NTNG1: variants seen among roughly 807,000 people sequenced by gnomAD.
The protein encoded by NTNG1 is netrin-G1.
A neutral mutation model predicts 54.0 loss-of-function variants in NTNG1; 16 were observed. The observed-to-expected ratio is 0.30, with a 90% CI of 0.20 to 0.45. NTNG1 has a LOEUF of 0.45. NTNG1 is among the 20% of genes least tolerant of loss of function. NTNG1 has a pLI of 1.00. For missense variants in NTNG1, 530 were observed against 678.7 expected (o/e 0.78, Z 2.43); for synonymous variants, 255 against 263.1 (o/e 0.97, Z 0.30).
At position 107,483,616 on chromosome 1, in the gene NTNG1, T is replaced by G. The variant is rs1467869615; in HGVS notation, c.*2776T>G. On this transcript the variant is annotated 3_prime_UTR_variant, in exon 8 of 8. Coordinates refer to ENST00000370068, the MANE Select transcript of NTNG1 (RefSeq NM_001113226.3). Reference sequence around the variant, plus strand: ...TGGTTTCATCTACAATGTTGTGCCCTAAGAACAGGACTGGGGTGAAAAGCG... The same window carrying G: ...TGGTTTCATCTACAATGTTGTGCCCGAAGAACAGGACTGGGGTGAAAAGCG... 6.6e-6 allele frequency among the ~76,000 whole-genome samples: 1 copy of G among 152,218 alleles called. No homozygotes were observed. Among genetic ancestry groups the G allele is most frequent in the Non-Finnish European group, 1.5e-5 (1 of 68,022 alleles).
At chr1:107,447,932 A>G (rs994508841) in intron 7 of NTNG1, among the ~76,000 whole-genome samples, 6 of 152,232 alleles carry the variant, frequency 3.9e-5, no homozygotes, top group African/African-American at 1.4e-4. Flanking sequence ...ATTTTCATTC[A>G]TTAATTCACA....
intron 5 of NTNG1, among the ~76,000 whole-genome samples, chr1:107,428,694 C>T (rs969872494): frequency 3.3e-5 from 5 of 152,076 alleles, no homozygotes; most frequent in African/African-American, 9.7e-5. Flanking sequence ...TCAACCACTG[C>T]TCTCAAAAGG....
intron 2 of NTNG1, among the ~76,000 whole-genome samples, chr1:107,229,875 C>T (rs371652755): frequency 1.3e-5 from 2 of 152,066 alleles, no homozygotes; most frequent in East Asian, 3.9e-4. Flanking sequence ...GCAGTGGTTC[C>T]TCTCTTGGAG....
chr1:107,483,623 A>G lies in NTNG1; in HGVS notation c.*2783A>G, dbSNP rs1282167449. ...ATCTACAATGTTGTGCCCTAAGAAC[A>G]GGACTGGGGTGAAAAGCGGGTACTC... On this transcript the variant is annotated 3_prime_UTR_variant, in exon 8 of 8. Coordinates refer to ENST00000370068, the MANE Select transcript of NTNG1 (RefSeq NM_001113226.3). 6.6e-6 allele frequency among the ~76,000 whole-genome samples: 1 copy of G among 152,224 alleles called. No individual in the cohort carries two copies. The highest frequency in any genetic ancestry group is 2.4e-5 in the African/African-American group (1 of 41,468).
intron 2 of NTNG1, among the ~76,000 whole-genome samples, chr1:107,233,250 A>G (rs12076452): frequency 0.029 from 4,357 of 152,262 alleles, 175 homozygotes; most frequent in African/African-American, 0.091. Flanking sequence ...TTGGTCTGCT[A>G]TTTTTAAGCA....
intron 3 of NTNG1, among the ~76,000 whole-genome samples, chr1:107,377,314 T>C (rs761275455): frequency 6.6e-6 from 1 of 152,204 alleles, no homozygotes; most frequent in East Asian, 1.9e-4. Flanking sequence ...CCACCACACC[T>C]CCAAGCTCCC....
intron 3 of NTNG1, among the ~76,000 whole-genome samples, chr1:107,365,431 C>A (rs193152703): frequency 7.0e-4 from 106 of 152,206 alleles, no homozygotes; most frequent in African/African-American, 2.3e-3. Flanking sequence ...CCATAAGAAA[C>A]AACTGGATTC....
At chr1:107,227,187 G>A (rs1660744926) in intron 2 of NTNG1, among the ~76,000 whole-genome samples, 1 of 152,016 alleles carries the variant, frequency 6.6e-6, no homozygotes, top group African/African-American at 2.4e-5. Flanking sequence ...CTGTAAAGTG[G>A]GGTTAACAAT....
intron 3 of NTNG1, among the ~76,000 whole-genome samples, chr1:107,390,568 C>A (rs1423401502): frequency 6.6e-6 from 1 of 152,076 alleles, no homozygotes; most frequent in African/African-American, 2.4e-5. Flanking sequence ...TTATGAAAAC[C>A]AACAATTAGG....
At chr1:107,365,952 T>A (rs1471576889) in intron 3 of NTNG1, among the ~76,000 whole-genome samples, 1 of 152,210 alleles carries the variant, frequency 6.6e-6, no homozygotes, top group African/African-American at 2.4e-5. Context: ...AGTTCATAAA[T>A]GTACTATATT....
chr1:107,274,828 G>A (rs1291941004), intron 2 of NTNG1, among the ~76,000 whole-genome samples: 1 of 152,132 alleles, frequency 6.6e-6, no homozygotes, highest in Non-Finnish European at 1.5e-5. Context: ...AGCATTTATT[G>A]TTTAGCTTTA....
intron 3 of NTNG1, among the ~76,000 whole-genome samples, chr1:107,359,009 G>A (rs746305728): frequency 6.6e-6 from 1 of 152,160 alleles, no homozygotes; most frequent in Non-Finnish European, 1.5e-5. Context: ...AAATGCGGAC[G>A]TCTCTATCAC....
intron 3 of NTNG1, among the ~76,000 whole-genome samples, chr1:107,326,528 ATTG>A (rs1214540885): frequency 6.6e-6 from 1 of 152,076 alleles, no homozygotes; most frequent in African/African-American, 2.4e-5. Context: ...AATAGTTGAT[ATTG>A]TTATTATTAA....
At position 107,324,611 on chromosome 1, in the gene NTNG1, C is replaced by A; in HGVS notation, c.576C>A (p.Ser192=). 6.2e-7 allele frequency: 1 copy of A among 1,613,552 alleles called. No homozygotes were observed. Among genetic ancestry groups the A allele is most frequent in the Non-Finnish European group, 8.5e-7 (1 of 1,179,794 alleles). ...ATGCTTTTCACATGGATCCTAAATC[C>A]GTGAAGGATTTATCACAGCATACGG... ...CLDAFHMDPK[S]VKDLSQHTVL... Residue 192 remains serine (S), a synonymous_variant, in exon 3 of 8, where the codon TCC becomes TCA. Coordinates refer to ENST00000370068, the MANE Select transcript of NTNG1 (RefSeq NM_001113226.3).
intron 2 of NTNG1, among the ~76,000 whole-genome samples, chr1:107,187,483 A>C (rs1367081472): frequency 6.6e-6 from 1 of 152,216 alleles, no homozygotes; most frequent in African/African-American, 2.4e-5. Flanking sequence ...ATATCACTGA[A>C]TTAATGAATA....
chr1:107,416,460 G>A (rs1335234756), intron 5 of NTNG1, among the ~76,000 whole-genome samples: 2 of 151,998 alleles, frequency 1.3e-5, no homozygotes, highest in Non-Finnish European at 2.9e-5. Flanking sequence ...AGTCCATACA[G>A]TTCAAGAAGT....
At chr1:107,247,197 G>A (rs575069114) in intron 2 of NTNG1, among the ~76,000 whole-genome samples, 1 of 152,320 alleles carries the variant, frequency 6.6e-6, no homozygotes, top group East Asian at 1.9e-4. Flanking sequence ...AGTGGGACTT[G>A]TCGCACCATT....
At chr1:107,200,947 T>A (rs1658709888) in intron 2 of NTNG1, among the ~76,000 whole-genome samples, 1 of 151,902 alleles carries the variant, frequency 6.6e-6, no homozygotes, top group Non-Finnish European at 1.5e-5. Flanking sequence ...GAATTGTGTT[T>A]GCTTCTTATA....
intron 1 of NTNG1, among the ~76,000 whole-genome samples, chr1:107,146,804 G>A (rs1422256333): frequency 2.6e-5 from 4 of 151,640 alleles, no homozygotes; most frequent in South Asian, 2.1e-4. Flanking sequence ...ACCATCTGTT[G>A]GCATTTCATA....
Sources: allele counts gnomAD v4.1 joint callset (sites outside exome capture counted in the v4.1 genomes callset), GRCh38; gene constraint gnomAD v4.1.1; transcripts MANE v1.5; gene names NCBI Gene and HGNC (gene_info 2026-07-23, HGNC 2026-07-21).